Variants in TNIP3 observed in about 807,000 individuals in gnomAD.
The protein encoded by TNIP3 is TNFAIP3-interacting protein 3.
In TNIP3, 34 loss-of-function variants were observed where a neutral mutation model predicts 54.1. That is an observed-to-expected ratio of 0.63 (90% CI 0.48 to 0.84). The LOEUF is 0.84. Among genes scored for constraint, TNIP3 ranks in the 40% least tolerant of loss-of-function variants. TNIP3 has a pLI of 0.00. For missense variants in TNIP3, 366 were observed against 387.6 expected (o/e 0.94, Z 0.47); for synonymous variants, 134 against 136.8 (o/e 0.98, Z 0.14).
intron 1 of TNIP3, among the ~76,000 whole-genome samples, chr4:121,226,876 C>A (rs890832136): frequency 6.6e-6 from 1 of 152,156 alleles, no homozygotes; most frequent in Admixed American, 6.5e-5. Flanking sequence ...GATTCTATAG[C>A]ACCATGAAGA....
chr4:121,188,923 T>C (rs964605461), intron 2 of TNIP3, among the ~76,000 whole-genome samples: 2 of 152,202 alleles, frequency 1.3e-5, no homozygotes, highest in East Asian at 3.8e-4. Context: ...GAATTTCAAG[T>C]TGACACTAAT....
intron 1 of TNIP3, among the ~76,000 whole-genome samples, chr4:121,226,378 A>C (rs1444077235): frequency 6.6e-6 from 1 of 152,266 alleles, no homozygotes; most frequent in Non-Finnish European, 1.5e-5. Flanking sequence ...ATACACTAAA[A>C]AAGTTGAGAA....
intron 2 of TNIP3, among the ~76,000 whole-genome samples, chr4:121,191,422 T>C (rs554327974): frequency 2.4e-4 from 37 of 152,330 alleles, no homozygotes; most frequent in African/African-American, 8.9e-4. Flanking sequence ...AGAAAAATTA[T>C]GTATTTTATT....
chr4:121,161,578 T>C (rs1438380866), intron 1 of TNIP3, among the ~76,000 whole-genome samples: 1 of 152,192 alleles, frequency 6.6e-6, no homozygotes, highest in African/African-American at 2.4e-5. Flanking sequence ...CATGGATATA[T>C]TTTAGGTATT....
upstream of TNIP3, among the ~76,000 whole-genome samples, chr4:121,166,948 C>T (rs116562131): frequency 0.011 from 1,735 of 152,136 alleles, 29 homozygotes; most frequent in African/African-American, 0.04. Flanking sequence ...ACTGCTTGTG[C>T]CTTTGGTCAT....
chr4:121,164,623 G>A (rs1407085503), upstream of TNIP3, among the ~76,000 whole-genome samples: 7 of 152,170 alleles, frequency 4.6e-5, no homozygotes, highest in East Asian at 1.9e-4. Context: ...CCCTAAAGGC[G>A]AGATTTTCTG....
intron 3 of TNIP3, among the ~76,000 whole-genome samples, chr4:121,174,526 C>T (rs2148823224): frequency 6.6e-6 from 1 of 152,230 alleles, no homozygotes; most frequent in African/African-American, 2.4e-5. Flanking sequence ...ACAAGGAACA[C>T]ATACCAGAAG....
chr4:121,164,155 G>A lies in TNIP3; in HGVS notation c.-30C>T, dbSNP rs977946230. 1.2e-5 allele frequency: 19 copies of A among 1,613,238 alleles called. No homozygotes were observed. The highest frequency in any genetic ancestry group is 2.2e-5 in the East Asian group (1 of 44,870). On this transcript the variant is annotated 5_prime_UTR_variant, in exon 1 of 11. Coordinates refer to ENST00000057513, the MANE Select transcript of TNIP3 (RefSeq NM_024873.6). ...GCTGTTTTTCCTGGAGTCTTGGAAA[G>A]CAGAAAGAAAAACAGGGGAAAAGTC...
Position 121,164,299 on chromosome 4 carries a change from T to C in TNIP3, c.-174A>G, listed in dbSNP as rs1253409436. ...TTCATTAAAAATGAACAGAAGTGACTGTGGATAGGAATTACACAGAATAAA... is the reference window on the plus strand; with the variant it reads ...TTCATTAAAAATGAACAGAAGTGACCGTGGATAGGAATTACACAGAATAAA... On this transcript the variant is annotated 5_prime_UTR_variant, in exon 1 of 11. Transcript: ENST00000057513. 1.4e-6 allele frequency: 2 copies of C among 1,428,324 alleles called. No individual in the cohort carries two copies. Among genetic ancestry groups the C allele is most frequent in the African/African-American group, 2.9e-5 (2 of 69,480 alleles). The allele number at this position is 1,428,324 out of a possible 1,614,324, so 88.5% of individuals were successfully genotyped here. A position where few individuals can be genotyped will look rare whatever the true frequency, so the allele number is the denominator to read the frequency against.
chr4:121,220,609 G>A (rs1445166334), upstream of TNIP3, among the ~76,000 whole-genome samples: 1 of 151,444 alleles, frequency 6.6e-6, no homozygotes, highest in African/African-American at 2.4e-5. Context: ...TTAACCTTTT[G>A]GTACTCATGT....
chr4:121,175,840 A>T (rs550575487), intron 3 of TNIP3, among the ~76,000 whole-genome samples: 13 of 152,086 alleles, frequency 8.5e-5, no homozygotes, highest in Admixed American at 8.5e-4. Context: ...ATGAGTTTTA[A>T]TTATTTTGTG....
intron 3 of TNIP3, among the ~76,000 whole-genome samples, chr4:121,172,226 A>G (rs1271862951): frequency 6.6e-6 from 1 of 152,206 alleles, no homozygotes; most frequent in African/African-American, 2.4e-5. Context: ...CTAAGTAGAG[A>G]GGTCCTGAGA....
chr4:121,148,706 A>G (rs1729568829), intron 6 of TNIP3, among the ~76,000 whole-genome samples: 1 of 152,236 alleles, frequency 6.6e-6, no homozygotes, highest in Admixed American at 6.5e-5. Flanking sequence ...CTTCACCATC[A>G]AATGCTATAA....
chr4:121,220,861 A>T (rs76147592), upstream of TNIP3, among the ~76,000 whole-genome samples: 6,239 of 152,140 alleles, frequency 0.041, 208 homozygotes, highest in Non-Finnish European at 0.061. Context: ...TGAGTAGGGG[A>T]TGAAAAAGAG....
intron 3 of TNIP3, among the ~76,000 whole-genome samples, chr4:121,182,399 C>A (rs1724763258): frequency 6.6e-6 from 1 of 152,186 alleles, no homozygotes; most frequent in Non-Finnish European, 1.5e-5. Flanking sequence ...ATTAAACATT[C>A]TTTCTAGTAG....
At chr4:121,178,252 C>T (rs1724474288) in intron 3 of TNIP3, among the ~76,000 whole-genome samples, 1 of 152,096 alleles carries the variant, frequency 6.6e-6, no homozygotes, top group African/African-American at 2.4e-5. Flanking sequence ...TCCAGTTTCC[C>T]CATCTGTAGA....
At chr4:121,176,937 C>G (rs1434659491) in intron 3 of TNIP3, among the ~76,000 whole-genome samples, 1 of 152,140 alleles carries the variant, frequency 6.6e-6, no homozygotes, top group African/African-American at 2.4e-5. Context: ...TCATTAAAAG[C>G]CCATTTCTAG....
intron 2 of TNIP3, among the ~76,000 whole-genome samples, chr4:121,184,850 A>G (rs925114082): frequency 1.3e-5 from 2 of 152,232 alleles, no homozygotes; most frequent in Non-Finnish European, 2.9e-5. Context: ...ATGCATAACA[A>G]TGAGTTTGGA....
chr4:121,181,653 G>GTGTC (rs1160664938), intron 3 of TNIP3, among the ~76,000 whole-genome samples: 1 of 145,246 alleles, frequency 6.9e-6, no homozygotes, highest in Non-Finnish European at 1.5e-5. Context: ...GTGTGTGTGT[G>GTGTC]TGTAAAACAC....
Sources: allele counts gnomAD v4.1 joint callset (sites outside exome capture counted in the v4.1 genomes callset), GRCh38; gene constraint gnomAD v4.1.1; transcripts MANE v1.5; gene names NCBI Gene and HGNC (gene_info 2026-07-23, HGNC 2026-07-21).